Variants in ZBBX observed in about 807,000 individuals in gnomAD.
ZBBX encodes the protein zinc finger B-box domain-containing protein 1.
Under a neutral mutation model 108.5 loss-of-function variants are expected in ZBBX, and 101 were observed. The ratio of observed to expected loss-of-function variants is 0.93; its 90% CI spans 0.79 to 1.10. The LOEUF is 1.10. Among genes scored for constraint, ZBBX ranks in the 50% least tolerant of loss-of-function variants. The pLI is 0.00. For synonymous variants in ZBBX, 356 were observed against 323.4 expected (o/e 1.10, Z -1.08); for missense variants, 1,009 against 941.4 (o/e 1.07, Z -0.94).
At chr3:167,318,234 T>A (rs1247357102) in intron 12 of ZBBX, among the ~76,000 whole-genome samples, 1 of 151,956 alleles carries the variant, frequency 6.6e-6, no homozygotes, top group Admixed American at 6.6e-5. Flanking sequence ...ACCAAGAATA[T>A]GAGTAGCTGC....
intron 20 of ZBBX, among the ~76,000 whole-genome samples, chr3:167,268,602 T>A (rs1251560075): frequency 6.6e-6 from 1 of 152,002 alleles, no homozygotes; most frequent in Non-Finnish European, 1.5e-5. Context: ...CTAAACAGAT[T>A]GAAGGACCAA....
At chr3:167,212,595 G>A in the ZBBX span, among the ~76,000 whole-genome samples, 1 of 152,170 alleles carries the variant, frequency 6.6e-6, no homozygotes, top group Non-Finnish European at 1.5e-5. Flanking sequence ...TGGACCCACA[G>A]CACAAACCCT....
intron 18 of ZBBX, among the ~76,000 whole-genome samples, chr3:167,295,748 TATATATATATAA>T (rs1345258428): frequency 0.02 from 338 of 16,542 alleles, 39 homozygotes; most frequent in African/African-American, 0.032. Flanking sequence ...TATATATATA[TATATATATATAA>T]AAAAAACTAG....
At chr3:167,299,734 G>C (rs1411622094) in intron 17 of ZBBX, among the ~76,000 whole-genome samples, 1 of 152,110 alleles carries the variant, frequency 6.6e-6, no homozygotes, top group Non-Finnish European at 1.5e-5. Flanking sequence ...ACTCAATTTG[G>C]ATGGAGCACC....
intron 20 of ZBBX, among the ~76,000 whole-genome samples, chr3:167,267,754 T>C (rs1054090987): frequency 2.6e-4 from 40 of 151,994 alleles, no homozygotes; most frequent in African/African-American, 9.2e-4. Flanking sequence ...TTCTCCTCTA[T>C]CCCTTAAAAA....
chr3:167,249,249 G>A (rs1431208048), intron 20 of ZBBX, among the ~76,000 whole-genome samples: 2 of 152,208 alleles, frequency 1.3e-5, no homozygotes, highest in African/African-American at 2.4e-5. Flanking sequence ...CTATAGACGT[G>A]AGGACAGATG....
chr3:167,184,671 T>C, the ZBBX span, among the ~76,000 whole-genome samples: 1 of 152,076 alleles, frequency 6.6e-6, no homozygotes, highest in Non-Finnish European at 1.5e-5. Context: ...AGACACCCAG[T>C]GTCCTAGCCT....
intron 2 of ZBBX, among the ~76,000 whole-genome samples, chr3:167,376,363 A>G (rs1222760911): frequency 6.6e-6 from 1 of 152,166 alleles, no homozygotes; most frequent in Non-Finnish European, 1.5e-5. Context: ...TTGCTTTCTG[A>G]TCATATTCAG....
intron 9 of ZBBX, among the ~76,000 whole-genome samples, chr3:167,348,373 A>AAGAAAG (rs1553833149): frequency 7.2e-6 from 1 of 139,540 alleles, no homozygotes; most frequent in Non-Finnish European, 1.6e-5. Flanking sequence ...AGAAAGAAAA[A>AAGAAAG]AAAGAAAAGA....
At chr3:167,354,748 TGG>T (rs1743240472) in intron 8 of ZBBX, among the ~76,000 whole-genome samples, 1 of 151,960 alleles carries the variant, frequency 6.6e-6, no homozygotes, top group Non-Finnish European at 1.5e-5. Context: ...CCTAAACATT[TGG>T]CACTGTTTTT....
At chr3:167,319,176 T>A (rs1393008697) in intron 12 of ZBBX, among the ~76,000 whole-genome samples, 2 of 152,012 alleles carry the variant, frequency 1.3e-5, no homozygotes, top group Non-Finnish European at 2.9e-5. Flanking sequence ...GACCTAGTGA[T>A]AATTGCCAAA....
At chr3:167,182,438 G>C in the ZBBX span, among the ~76,000 whole-genome samples, 1 of 152,212 alleles carries the variant, frequency 6.6e-6, no homozygotes, top group African/African-American at 2.4e-5. Context: ...TGTAAAATCT[G>C]CATACGGTTC....
chr3:167,194,148 T>C, the ZBBX span, among the ~76,000 whole-genome samples: 1 of 151,598 alleles, frequency 6.6e-6, no homozygotes, highest in African/African-American at 2.4e-5. Context: ...AAATGGTGAA[T>C]GTTTGAGGTA....
chr3:167,310,505 G>A (rs1456077107), intron 16 of ZBBX, among the ~76,000 whole-genome samples: 1 of 152,178 alleles, frequency 6.6e-6, no homozygotes, highest in African/African-American at 2.4e-5. Flanking sequence ...TTGACTCACA[G>A]TTCCACATGG....
At chr3:167,207,643 G>T in the ZBBX span, among the ~76,000 whole-genome samples, 1 of 152,142 alleles carries the variant, frequency 6.6e-6, no homozygotes, top group African/African-American at 2.4e-5. Context: ...AATGAAATAA[G>T]CCAGGCACAG....
intron 1 of ZBBX, among the ~76,000 whole-genome samples, chr3:167,396,983 T>C (rs765482448): frequency 2.0e-5 from 3 of 151,628 alleles, no homozygotes; most frequent in Non-Finnish European, 2.9e-5. Context: ...CAGGGAGTAA[T>C]GCCCAATGCT....
At chr3:167,262,321 T>A (rs972080490) in intron 20 of ZBBX, among the ~76,000 whole-genome samples, 3 of 152,192 alleles carry the variant, frequency 2.0e-5, no homozygotes, top group African/African-American at 7.2e-5. Context: ...AAATTCACAA[T>A]GCGAGCCAGC....
Position 167,365,903 on chromosome 3 carries a change from T to A in ZBBX, c.256A>T (p.Lys86Ter). The A allele has an allele frequency of 6.2e-7, 1 of 1,607,748 alleles. No individual in the cohort carries two copies. The change falls in exon 6 of 22, where the codon AAA becomes TAA. Residue 86 changes from lysine to a stop codon, truncating the protein, a stop_gained. Coordinates refer to ENST00000675490, the MANE Select transcript of ZBBX (RefSeq NM_001199201.2). LOFTEE classifies it high-confidence loss of function. ...VNQSYMMSQNKGNVVKFSAGK... is the reference protein window; with the variant it reads ...VNQSYMMSQN ...CTTCTTACCTTAACAACATTTCCTT[T>A]ATTTTGTGACATCATATATGATTGA...
chr3:167,218,590 A>T, the ZBBX span, among the ~76,000 whole-genome samples: 2 of 152,114 alleles, frequency 1.3e-5, no homozygotes, highest in African/African-American at 4.8e-5. Context: ...TATTATTTGC[A>T]AGCCTCTTGG....
Sources: allele counts gnomAD v4.1 joint callset (sites outside exome capture counted in the v4.1 genomes callset), GRCh38; gene constraint gnomAD v4.1.1; transcripts MANE v1.5; gene names NCBI Gene and HGNC (gene_info 2026-07-23, HGNC 2026-07-21).